SAMD3: variants seen among roughly 807,000 people sequenced by gnomAD.
SAMD3 encodes the protein sterile alpha motif domain-containing protein 3.
In SAMD3, 63 loss-of-function variants were observed where a neutral mutation model predicts 58.5. The ratio of observed to expected loss-of-function variants is 1.08; its 90% confidence interval spans 0.88 to 1.33. The LOEUF is 1.33. SAMD3 is among the 40% of genes most tolerant of loss of function. SAMD3 has a pLI of 0.00. For synonymous variants in SAMD3, 220 were observed against 210.3 expected, an observed-to-expected ratio of 1.05 and a Z score of -0.40; for missense variants, 604 against 608.4, an observed-to-expected ratio of 0.99 and a Z score of 0.08.
chr6:130,326,531 C>T (rs1412312047), intron 1 of SAMD3, among the ~76,000 whole-genome samples: 1 of 152,100 alleles, frequency 6.6e-6, no homozygotes, highest in African/African-American at 2.4e-5. Context: ...GTATCACATT[C>T]TATTTTACTG....
intron 2 of SAMD3, among the ~76,000 whole-genome samples, chr6:130,266,642 G>C (rs1774366870): frequency 6.6e-6 from 1 of 152,156 alleles, no homozygotes; most frequent in South Asian, 2.1e-4. Context: ...GTCCCACCGG[G>C]ACTGGACAGC....
intron 2 of SAMD3, among the ~76,000 whole-genome samples, chr6:130,291,585 A>C (rs931854692): frequency 6.6e-6 from 1 of 152,210 alleles, no homozygotes; most frequent in Non-Finnish European, 1.5e-5. Flanking sequence ...ATTCTTTGCC[A>C]TCATCTCAGA....
intron 2 of SAMD3, among the ~76,000 whole-genome samples, chr6:130,297,703 G>A (rs62433892): frequency 0.12 from 18,388 of 152,074 alleles, 1,531 homozygotes; most frequent in East Asian, 0.36. Flanking sequence ...TAGAACTTCT[G>A]GAATAGAAAC....
chr6:130,298,037 C>T (rs1775627245), intron 2 of SAMD3, among the ~76,000 whole-genome samples: 1 of 152,114 alleles, frequency 6.6e-6, no homozygotes, highest in Admixed American at 6.6e-5. Flanking sequence ...CAGAGAACAC[C>T]TGCAAGACAC....
upstream of SAMD3, among the ~76,000 whole-genome samples, chr6:130,224,588 TTTATTTATTATTATTA>T (rs1383818055): frequency 1.2e-4 from 17 of 136,742 alleles, no homozygotes; most frequent in South Asian, 3.9e-3. Flanking sequence ...AAGCACTCTA[TTTATTTATTATTATTA>T]TTATTATTAT....
chr6:130,186,832 GCA>G (rs1793022576), intron 5 of SAMD3, among the ~76,000 whole-genome samples: 1 of 148,672 alleles, frequency 6.7e-6, no homozygotes. Context: ...GTGCAGTGGT[GCA>G]ATCTCGGCTC....
chr6:130,250,086 G>A (rs537288403), intron 2 of SAMD3, among the ~76,000 whole-genome samples: 1 of 152,228 alleles, frequency 6.6e-6, no homozygotes, highest in South Asian at 2.1e-4. Flanking sequence ...CCCCCAGATA[G>A]CTCTGCAACA....
At chr6:130,276,881 G>A (rs1469161991) in intron 2 of SAMD3, among the ~76,000 whole-genome samples, 2 of 152,106 alleles carry the variant, frequency 1.3e-5, no homozygotes, top group African/African-American at 2.4e-5. Context: ...GAAAATAGGG[G>A]TGTGGAAAAT....
At position 130,299,736 on chromosome 6, in the gene SAMD3, T is replaced by G; in HGVS notation, c.-188+13242A>C. ...CCTAGATTAACCAAGAAAACAAGAT[T>G]GTGCAAATAACCACATTCAGAAGTG... On this transcript the variant is annotated intron_variant, in intron 2 of 13. Transcript: ENST00000368134. 1.3e-5 allele frequency among the ~76,000 whole-genome samples: 2 copies of G among 152,090 alleles called. 1 individual carries two copies. Among genetic ancestry groups the G allele is most frequent in the Non-Finnish European group, 2.9e-5 (2 of 67,950 alleles).
intron 8 of SAMD3, among the ~76,000 whole-genome samples, chr6:130,173,713 G>A (rs1249440559): frequency 6.6e-6 from 1 of 152,214 alleles, no homozygotes; most frequent in African/African-American, 2.4e-5. Context: ...CGCTGTGCTG[G>A]GAGAATCCCT....
At chr6:130,279,824 G>C (rs1205729613) in intron 2 of SAMD3, among the ~76,000 whole-genome samples, 3 of 152,118 alleles carry the variant, frequency 2.0e-5, no homozygotes, top group Non-Finnish European at 4.4e-5. Context: ...TCTTGGGTAT[G>C]TCTTCATAGC....
intron 2 of SAMD3, among the ~76,000 whole-genome samples, chr6:130,309,259 G>T (rs1407693374): frequency 6.6e-6 from 1 of 152,150 alleles, no homozygotes; most frequent in African/African-American, 2.4e-5. Flanking sequence ...AGGCATAAGA[G>T]CATAAATGTT....
intron 1 of SAMD3, among the ~76,000 whole-genome samples, chr6:130,322,509 C>T (rs1160542833): frequency 6.6e-6 from 1 of 152,152 alleles, no homozygotes; most frequent in Non-Finnish European, 1.5e-5. Context: ...TGGTGACACA[C>T]GCCTGTAATT....
At position 130,182,256 on chromosome 6, in the gene SAMD3, C is replaced by T. The variant is rs954368430; in HGVS notation, c.654+1847G>A. Among the ~76,000 whole-genome samples, 8 of 106,130 alleles carry T rather than the reference C, an allele frequency of 7.5e-5. No individual in the cohort carries two copies. The South Asian group carries it at 1.2e-3, about 16-fold the overall frequency. The allele number at this position is 106,130 out of a possible 152,430, so 69.6% of individuals were successfully genotyped here. ...TGTTGTTGCCTTGTTTTTTTTCCTTCGCTTTGTTTTGTTTTTTTAGAGGAA... is the reference window on the plus strand; with the variant it reads ...TGTTGTTGCCTTGTTTTTTTTCCTTTGCTTTGTTTTGTTTTTTTAGAGGAA... On this transcript the variant is annotated intron_variant, in intron 7 of 11. Coordinates refer to ENST00000439090, the MANE Select transcript of SAMD3 (RefSeq NM_001017373.4).
intron 2 of SAMD3, among the ~76,000 whole-genome samples, chr6:130,252,196 A>G (rs1221936378): frequency 6.6e-6 from 1 of 152,046 alleles, no homozygotes; most frequent in Non-Finnish European, 1.5e-5. Flanking sequence ...TATTTTTCTG[A>G]TATTAACATA....
At position 130,278,783 on chromosome 6, in the gene SAMD3, C is replaced by T. The variant is rs945062907; in HGVS notation, c.-188+34195G>A. 3.3e-5 allele frequency among the ~76,000 whole-genome samples: 5 copies of T among 152,064 alleles called. No homozygotes were observed. In the South Asian group the frequency reaches 8.3e-4, roughly 25 times the overall value. ...ACAATAAGGAGCTGAGAGGTTCATT[C>T]TTCCACGTGCCTGGAAAGGAAGGAG... On this transcript the variant is annotated intron_variant, in intron 2 of 13. Coordinates refer to the SAMD3 transcript ENST00000368134.
intron 7 of SAMD3, among the ~76,000 whole-genome samples, chr6:130,178,915 C>T (rs1208575956): frequency 6.6e-6 from 1 of 152,158 alleles, no homozygotes; most frequent in Admixed American, 6.5e-5. Context: ...TTATCACCTC[C>T]CATAGGCTTG....
intron 2 of SAMD3, among the ~76,000 whole-genome samples, chr6:130,263,528 T>C (rs1020125580): frequency 2.0e-5 from 3 of 151,892 alleles, no homozygotes; most frequent in Non-Finnish European, 2.9e-5. Context: ...CGCCACCCCC[T>C]CCAGAGTCGT....
intron 1 of SAMD3, among the ~76,000 whole-genome samples, chr6:130,328,436 C>T (rs1776824626): frequency 6.6e-6 from 1 of 152,208 alleles, no homozygotes; most frequent in African/African-American, 2.4e-5. Context: ...GATGCTACCA[C>T]TTATGTGCCA....
Sources: allele counts gnomAD v4.1 joint callset (sites outside exome capture counted in the v4.1 genomes callset), GRCh38; gene constraint gnomAD v4.1.1; transcripts MANE v1.5; gene names NCBI Gene and HGNC (gene_info 2026-07-23, HGNC 2026-07-21).